Variants in TTPAL observed in about 807,000 individuals in gnomAD.
The protein encoded by TTPAL is alpha tocopherol transfer protein like.
In TTPAL, 21 loss-of-function variants were observed where a neutral mutation model predicts 28.7. The ratio of observed to expected loss-of-function variants is 0.73; its 90% CI spans 0.52 to 1.06. TTPAL has a LOEUF of 1.06. TTPAL is among the 50% of genes least tolerant of loss of function. The pLI, the probability that TTPAL is intolerant of heterozygous loss-of-function variation, is 0.00. For missense variants in TTPAL, 345 were observed against 425.5 expected, an observed-to-expected ratio of 0.81 and a Z score of 1.67; for synonymous variants, 169 against 171.9, an observed-to-expected ratio of 0.98 and a Z score of 0.13.
intron 1 of TTPAL, among the ~76,000 whole-genome samples, chr20:44,476,927 A>G (rs745938383): frequency 6.6e-6 from 1 of 152,208 alleles, no homozygotes; most frequent in African/African-American, 2.4e-5. Context: ...TGTAATTTCT[A>G]AAAAAGAAAT....
rs762581129 is a variant in TTPAL at position 44,480,451 on chromosome 20, C to T, written c.445+7C>T. The T allele has an allele frequency of 3.8e-6, 6 of 1,585,086 alleles. No individual in the cohort carries two copies. The Admixed American group carries it at 6.9e-5, about 18-fold the overall frequency. Reference sequence around the variant, plus strand: ...GTCGTCTGCATCCGCCCAGGTATCTCCCTAGACTGTTGTGGGGTGTGTGTG... The same window carrying T: ...GTCGTCTGCATCCGCCCAGGTATCTTCCTAGACTGTTGTGGGGTGTGTGTG... On this transcript the variant is annotated splice_region_variant and intron_variant, in intron 2 of 4. Transcript: ENST00000262605. The surrounding 1 kb of genome is among the most constrained non-coding windows in gnomAD (Gnocchi z 4.1).
chr20:44,476,469 C>G (rs1489203309), intron 1 of TTPAL, among the ~76,000 whole-genome samples: 1 of 152,232 alleles, frequency 6.6e-6, no homozygotes, highest in African/African-American at 2.4e-5. Context: ...CTCTGCCTCA[C>G]CGGGTGTGCC....
At position 44,493,665 on chromosome 20, in the gene TTPAL, C is replaced by T. The variant is rs1032327879; in HGVS notation, c.*4124C>T. 6.6e-6 allele frequency: 1 copy of T among 152,276 alleles called. No individual in the cohort carries two copies. The highest frequency in any genetic ancestry group is 2.4e-5 in the African/African-American group (1 of 41,422). The allele number at this position is 152,276 out of a possible 1,614,324, so 9.4% of individuals were successfully genotyped here. A position where few individuals can be genotyped will look rare whatever the true frequency, so the allele number is the denominator to read the frequency against. On this transcript the variant is annotated 3_prime_UTR_variant, in exon 5 of 5. Transcript: ENST00000262605. ...TGTGGCTATACCGAACAGAAACATG[C>T]CTACTGTTCAGGAAAGATGTCAGTT...
Position 44,492,903 on chromosome 20 carries a change from T to A in TTPAL, c.*3362T>A, listed in dbSNP as rs868801433. On this transcript the variant is annotated 3_prime_UTR_variant, in exon 5 of 5. Coordinates refer to ENST00000262605, the MANE Select transcript of TTPAL (RefSeq NM_001039199.3). The stretch of plus-strand genomic sequence containing the variant: ...ATTTTCTTTTTTATTCTATTGCTGC[T>A]GCAAAAATTAAGGCAAAAGTAGCTT... 6 of 152,356 alleles carry A rather than the reference T, an allele frequency of 3.9e-5. No homozygotes were observed. Among genetic ancestry groups the A allele is most frequent in the African/African-American group, 1.4e-4 (6 of 41,456 alleles). 9.4% of individuals were successfully genotyped at this position (152,356 alleles called of 1,614,324 possible).
intron 3 of TTPAL, among the ~76,000 whole-genome samples, chr20:44,485,254 G>A (rs1201239184): frequency 1.3e-5 from 2 of 152,150 alleles, no homozygotes; most frequent in Non-Finnish European, 2.9e-5. Context: ...CATGTTCTGT[G>A]TTTCAGAACA....
chr20:44,480,052 C>T lies in TTPAL; in HGVS notation c.53C>T (p.Ser18Phe), dbSNP rs2064087360. 2 of 1,614,068 alleles carry T rather than the reference C, an allele frequency of 1.2e-6. No homozygotes were observed. Among genetic ancestry groups the T allele is most frequent in the African/African-American group, 1.3e-5 (1 of 74,922 alleles). ...ACCAGCCCTTCTGTGGCCTCACTCTCTGAAAATGAGCTGCCACCACCACCT... is the reference window on the plus strand; with the variant it reads ...ACCAGCCCTTCTGTGGCCTCACTCTTTGAAAATGAGCTGCCACCACCACCT... ...LRTSPSVASL[S>F]ENELPPPPEP... Residue 18 changes from serine to phenylalanine, a missense_variant, in exon 2 of 5, where the codon TCT (serine) becomes TTT (phenylalanine). Ser to Phe is a radical substitution (Grantham distance 155). Transcript: ENST00000262605. This position sits in a 1 kb window ranked among gnomAD's most constrained non-coding sequence, Gnocchi z 4.1.
chr20:44,479,825 C>T, intron 1 of TTPAL, 160 bp from the exon 2 acceptor site: 1 of 658,958 alleles, frequency 1.5e-6, no homozygotes, highest in Non-Finnish European at 2.6e-6. Flanking sequence ...TGGGGTCAGA[C>T]TTGCGTGTAT....
rs2064229517 is a variant in TTPAL at position 44,493,807 on chromosome 20, G to C, written c.*4266G>C. 6.6e-6 allele frequency: 1 copy of C among 152,244 alleles called. No individual in the cohort carries two copies. Among genetic ancestry groups the C allele is most frequent in the Non-Finnish European group, 1.5e-5 (1 of 68,058 alleles). The allele number at this position is 152,244 out of a possible 1,614,324, so 9.4% of individuals were successfully genotyped here. A position where few individuals can be genotyped will look rare whatever the true frequency, so the allele number is the denominator to read the frequency against. On this transcript the variant is annotated 3_prime_UTR_variant, in exon 5 of 5. Coordinates refer to ENST00000262605, the MANE Select transcript of TTPAL (RefSeq NM_001039199.3). ...CCTAGAACTTTGGGAGGCTGAAGGG[G>C]GGGCGGATCATTTGAGGTCAGGAGT... is the stretch of plus-strand genomic sequence containing the variant.
intron 1 of TTPAL, among the ~76,000 whole-genome samples, chr20:44,478,894 A>G (rs1320041249): frequency 6.6e-6 from 1 of 152,130 alleles, no homozygotes. Flanking sequence ...GGTTCACGCC[A>G]TTCTCCTGCC....
intron 3 of TTPAL, among the ~76,000 whole-genome samples, chr20:44,485,527 C>CGGT (rs947865879): frequency 2.6e-5 from 4 of 152,116 alleles, no homozygotes; most frequent in African/African-American, 9.7e-5. Flanking sequence ...TATGGGGCAC[C>CGGT]GGTGGTATAG....
chr20:44,478,706 AG>A, intron 1 of TTPAL: 1 of 152,348 alleles, frequency 6.6e-6, no homozygotes, highest in East Asian at 1.9e-4. Flanking sequence ...GTATGTGTAT[AG>A]TTTAAAAACG....
intron 3 of TTPAL, chr20:44,485,790 G>A (rs2064146402): frequency 6.6e-6 from 1 of 152,170 alleles, no homozygotes; most frequent in African/African-American, 2.4e-5. Context: ...AATTAAGTAA[G>A]TTTGGGAAAT....
intron 1 of TTPAL, among the ~76,000 whole-genome samples, chr20:44,476,608 G>C (rs565832626): frequency 1.3e-5 from 2 of 152,276 alleles, no homozygotes; most frequent in Admixed American, 1.3e-4. Flanking sequence ...AGATTCTAGG[G>C]GACAGTCCTT....
intron 2 of TTPAL, among the ~76,000 whole-genome samples, chr20:44,481,694 T>C (rs2122816298): frequency 6.6e-6 from 1 of 152,336 alleles, no homozygotes; most frequent in East Asian, 1.9e-4. Flanking sequence ...GACACCTCCA[T>C]GCACTTTCCT....
At chr20:44,481,390 T>A (rs73613500) in intron 2 of TTPAL, among the ~76,000 whole-genome samples, 2,168 of 151,016 alleles carry the variant, frequency 0.014, 25 homozygotes, top group East Asian at 0.063. Flanking sequence ...ACAAAAAATT[T>A]AAAAAAAAAT....
chr20:44,479,655 C>T (rs1221977514), intron 1 of TTPAL, among the ~76,000 whole-genome samples: 1 of 152,102 alleles, frequency 6.6e-6, no homozygotes, highest in Non-Finnish European at 1.5e-5. Flanking sequence ...GCTGGGATTA[C>T]AGCATATACA....
rs1185712955 is a variant in TTPAL, at chr20:44,491,112, T to TG, written c.*1573dup. ...AAAAAAAAAAAAATTTTTTTTTTTT[T>TG]GGTCTCTGGAAATGAACACAAGGGC... On this transcript the variant is annotated 3_prime_UTR_variant, in exon 5 of 5. Coordinates refer to ENST00000262605, the MANE Select transcript of TTPAL (RefSeq NM_001039199.3). 6.7e-6 allele frequency: 1 copy of TG among 148,816 alleles called. No individual in the cohort carries two copies. Among genetic ancestry groups the TG allele is most frequent in the East Asian group, 1.9e-4 (1 of 5,216 alleles). 9.2% of individuals were successfully genotyped at this position (148,816 alleles called of 1,614,324 possible).
At chr20:44,479,410 T>TA (rs57226148) in intron 1 of TTPAL, among the ~76,000 whole-genome samples, 1 of 116,320 alleles carries the variant, frequency 8.6e-6, no homozygotes, top group African/African-American at 3.3e-5. Flanking sequence ...TTTTTTTTTT[T>TA]TTTTTTTTTT....
At chr20:44,479,897 A>G in intron 1 of TTPAL, 88 bp from the exon 2 acceptor site, 1 of 1,122,320 alleles carries the variant, frequency 8.9e-7, no homozygotes, top group Non-Finnish European at 1.3e-6. Context: ...CTCGGTTTTT[A>G]CAGAAGTGTT....
Sources: allele counts gnomAD v4.1 joint callset (sites outside exome capture counted in the v4.1 genomes callset), GRCh38; gene constraint gnomAD v4.1.1; non-coding constraint Gnocchi (gnomAD v3.1); transcripts MANE v1.5; gene names NCBI Gene and HGNC (gene_info 2026-07-23, HGNC 2026-07-21).